Variants in JARID2 observed in about 807,000 individuals in gnomAD.
JARID2 encodes the protein jumonji and AT-rich interaction domain containing 2, also known as protein Jumonji.
A neutral mutation model predicts 125.6 loss-of-function variants in JARID2; 21 were observed. The observed-to-expected ratio is 0.17, with a 90% CI of 0.12 to 0.24. The LOEUF (loss-of-function observed/expected upper bound fraction) is 0.24, where lower values mean the gene tolerates loss of function less well. Ranked by LOEUF, JARID2 falls within the 10% of genes least tolerant of loss-of-function variation. JARID2 has a pLI of 1.00. For missense variants in JARID2, 1,303 were observed against 1,639.6 expected (o/e 0.79, Z 3.55); for synonymous variants, 736 against 661.6 (o/e 1.11, Z -1.73).
intron 1 of JARID2, among the ~76,000 whole-genome samples, chr6:15,268,902 T>G (rs1284314942): frequency 6.6e-6 from 1 of 152,176 alleles, no homozygotes; most frequent in East Asian, 1.9e-4. Context: ...TTAATTAAAG[T>G]CAAGGAAGTT....
chr6:15,331,345 AAAAAC>A (rs1762701586), intron 1 of JARID2, among the ~76,000 whole-genome samples: 1 of 34,284 alleles, frequency 2.9e-5, no homozygotes, highest in Non-Finnish European at 9.9e-5. Context: ...CAAAAAAAAC[AAAAAC>A]AAAAACAAAA....
chr6:15,501,347 G>C lies in JARID2; in HGVS notation c.2386G>C (p.Val796Leu). ...GCGACTCTTCGCTCAGGAAAAAGAAGTGGTCAAGGAAGAGGAGGAGGACAA... is the reference window on the plus strand; with the variant it reads ...GCGACTCTTCGCTCAGGAAAAAGAACTGGTCAAGGAAGAGGAGGAGGACAA... ...RRRLFAQEKE[V>L]VKEEEEDKGV... The change falls in exon 8 of 18, where the codon GTG becomes CTG. Residue 796 changes from valine (V) to leucine (L), a missense_variant. Val to Leu is a conservative substitution (Grantham distance 32). Transcript: ENST00000341776. 14 of 1,601,900 alleles carry C rather than the reference G, an allele frequency of 8.7e-6. No homozygotes were observed. The highest frequency in any genetic ancestry group is 1.1e-5 in the Non-Finnish European group (13 of 1,173,126).
intron 3 of JARID2, among the ~76,000 whole-genome samples, chr6:15,413,008 G>C (rs9476825): frequency 2.1e-5 from 1 of 47,472 alleles, no homozygotes; most frequent in African/African-American, 1.0e-4. Context: ...TTGTGTTTTT[G>C]TTTTTTTTTT....
intron 3 of JARID2, among the ~76,000 whole-genome samples, chr6:15,416,147 G>A (rs1049905025): frequency 1.5e-4 from 22 of 150,072 alleles, no homozygotes; most frequent in African/African-American, 3.7e-4. Flanking sequence ...GGGAAGAGGC[G>A]CTCCTCACTT....
At chr6:15,466,339 C>T (rs1462608269) in intron 4 of JARID2, among the ~76,000 whole-genome samples, 7 of 152,176 alleles carry the variant, frequency 4.6e-5, no homozygotes, top group African/African-American at 7.2e-5. Context: ...ACCAATCCAT[C>T]GTTTGGATTT....
At chr6:15,249,866 A>AC (rs1422193471) in intron 1 of JARID2, among the ~76,000 whole-genome samples, 2 of 152,200 alleles carry the variant, frequency 1.3e-5, no homozygotes, top group Non-Finnish European at 2.9e-5. Flanking sequence ...CCACTGCAAT[A>AC]CCTTAAATAA....
chr6:15,360,543 C>G (rs1763757248), intron 1 of JARID2, among the ~76,000 whole-genome samples: 1 of 152,074 alleles, frequency 6.6e-6, no homozygotes, highest in Non-Finnish European at 1.5e-5. Flanking sequence ...AGTATAGTGG[C>G]TCAATCATAG....
intron 5 of JARID2, among the ~76,000 whole-genome samples, chr6:15,477,479 G>A (rs957110643): frequency 7.0e-6 from 1 of 143,616 alleles, no homozygotes; most frequent in Admixed American, 7.0e-5. Flanking sequence ...ATTCCAAAAA[G>A]TTGGAATATG....
At chr6:15,362,040 T>C (rs1007379100) in intron 1 of JARID2, among the ~76,000 whole-genome samples, 1 of 151,850 alleles carries the variant, frequency 6.6e-6, no homozygotes, top group African/African-American at 2.4e-5. Context: ...GGACTACACA[T>C]GTACCAGCAT....
rs1402279216 is a variant in JARID2 at position 15,520,910 on chromosome 6, GGAAAGA to G, written c.*660_*665del. 4 of 441,766 alleles carry G rather than the reference GGAAAGA, an allele frequency of 9.1e-6. No homozygotes were observed. In the East Asian group the frequency reaches 2.9e-4, roughly 32 times the overall value. The allele number at this position is 441,766 out of a possible 1,614,324, so 27.4% of individuals were successfully genotyped here. A position where few individuals can be genotyped will look rare whatever the true frequency, so the allele number is the denominator to read the frequency against. On this transcript the variant is annotated 3_prime_UTR_variant, in exon 18 of 18. Coordinates refer to ENST00000341776, the MANE Select transcript of JARID2 (RefSeq NM_004973.4). ...AGCACATCACTATGCATCTGTTCCA[GGAAAGA>G]AGAAAAGCGAGCGAGGAAGACGGAA...
At chr6:15,311,337 G>T (rs1472646613) in intron 1 of JARID2, among the ~76,000 whole-genome samples, 5 of 152,202 alleles carry the variant, frequency 3.3e-5, no homozygotes, top group Admixed American at 2.0e-4. Context: ...CAAAACTTTG[G>T]GAGGCCAAGG....
At chr6:15,470,225 GGGAGTCA>G (rs1236691462) in intron 5 of JARID2, among the ~76,000 whole-genome samples, 4 of 151,636 alleles carry the variant, frequency 2.6e-5, no homozygotes, top group Non-Finnish European at 4.4e-5. Context: ...CAAAGAGAAT[GGGAGTCA>G]GGAGATATGG....
chr6:15,396,283 G>A (rs955569757), intron 2 of JARID2, among the ~76,000 whole-genome samples: 1 of 152,178 alleles, frequency 6.6e-6, no homozygotes, highest in Non-Finnish European at 1.5e-5. Context: ...TATGTTTACA[G>A]TGTAGCACAA....
At chr6:15,438,493 C>T (rs773954702) in intron 3 of JARID2, among the ~76,000 whole-genome samples, 32 of 152,176 alleles carry the variant, frequency 2.1e-4, no homozygotes, top group Non-Finnish European at 1.5e-4. Context: ...AGTTCATTTC[C>T]ATGATTCCTC....
intron 2 of JARID2, among the ~76,000 whole-genome samples, chr6:15,403,632 A>G (rs1012794073): frequency 3.3e-5 from 5 of 152,204 alleles, no homozygotes; most frequent in African/African-American, 9.7e-5. Context: ...CAGTGACCCA[A>G]CTTTTCCATG....
intron 5 of JARID2, among the ~76,000 whole-genome samples, chr6:15,471,348 T>C (rs1769068245): frequency 6.6e-6 from 1 of 152,224 alleles, no homozygotes; most frequent in Non-Finnish European, 1.5e-5. Flanking sequence ...GAGAACTTTT[T>C]CTTGTGAAGG....
intron 1 of JARID2, among the ~76,000 whole-genome samples, chr6:15,250,922 C>T (rs994661591): frequency 1.4e-5 from 2 of 147,950 alleles, no homozygotes; most frequent in South Asian, 2.1e-4. Flanking sequence ...CAAAATGGAA[C>T]TTTTTTTTTT....
At chr6:15,419,038 G>A (rs6906027) in intron 3 of JARID2, among the ~76,000 whole-genome samples, 6,855 of 151,882 alleles carry the variant, frequency 0.045, 435 homozygotes, top group African/African-American at 0.14. Flanking sequence ...CTTAATAATT[G>A]GAATTATATT....
At chr6:15,247,869 G>A (rs1297686539) in intron 1 of JARID2, 32 of 985,300 alleles carry the variant, frequency 3.2e-5, no homozygotes, top group Non-Finnish European at 3.6e-5. Context: ...AGAGGGCTGG[G>A]TAGAATGCAA....
Sources: gnomAD v4.1 joint callset for allele counts (sites outside exome capture counted in the v4.1 genomes callset) on GRCh38, gnomAD v4.1.1 for gene constraint, MANE v1.5 for transcripts, NCBI Gene and HGNC (gene_info 2026-07-23, HGNC 2026-07-21) for gene names.